Variants in SEMA3A observed in about 807,000 individuals in gnomAD.
SEMA3A encodes the protein semaphorin-3A.
In SEMA3A, 29 loss-of-function variants were observed where a neutral mutation model predicts 97.9. The ratio of observed to expected loss-of-function variants is 0.30; its 90% CI spans 0.22 to 0.40. The LOEUF (loss-of-function observed/expected upper bound fraction) is 0.40, where lower values mean the gene tolerates loss of function less well. SEMA3A is among the 10% of genes least tolerant of loss of function. The pLI is 1.00. For synonymous variants in SEMA3A, 321 were observed against 323.7 expected, an observed-to-expected ratio of 0.99 and a Z score of 0.09; for missense variants, 763 against 951.3, an observed-to-expected ratio of 0.80 and a Z score of 2.60.
At position 84,014,268 on chromosome 7, in the gene SEMA3A, C is replaced by G; in HGVS notation, c.751G>C (p.Ala251Pro). 1 of 1,613,314 alleles carries G rather than the reference C, an allele frequency of 6.2e-7. No individual in the cohort carries two copies. The highest frequency in any genetic ancestry group is 8.5e-7 in the Non-Finnish European group (1 of 1,179,566). The change falls in exon 7 of 17, where the codon GCA becomes CCA. Residue 251 changes from alanine (A) to proline (P), a missense_variant. This residue lies in a region of SEMA3A where 678 missense variants were observed against 881.3 expected (regional missense o/e 0.77). Transcript: ENST00000265362. ...TTTCCAGAGTGTTCTCCATCTATTG[C>G]ATTTTCACGGAAGAAAAAGTATACT... The part of the protein sequence containing the change: ...DKVYFFFREN[A>P]IDGEHSGKAT...
At chr7:84,388,779 A>T (rs1944322675) in intron 1 of SEMA3A, among the ~76,000 whole-genome samples, 2 of 152,154 alleles carry the variant, frequency 1.3e-5, no homozygotes, top group South Asian at 4.1e-4. Flanking sequence ...CAGTTTCTTA[A>T]AACAAGCCCC....
chr7:84,060,445 A>G lies in SEMA3A; in HGVS notation c.547+20T>C, dbSNP rs766663310. The G allele has an allele frequency of 2.7e-6, 4 of 1,477,604 alleles. No homozygotes were observed. Among genetic ancestry groups the G allele is most frequent in the Non-Finnish European group, 3.7e-6 (4 of 1,089,138 alleles). The allele number at this position is 1,477,604 out of a possible 1,614,324, so 91.5% of individuals were successfully genotyped here. On this transcript the variant is annotated intron_variant, in intron 5 of 16. Transcript: ENST00000265362. ...TTATTTATAGAAAACTCACTATTTA[A>G]TTGATTGTTGACTACGCACCTATTA...
At chr7:84,073,711 T>G (rs1793832142) in intron 4 of SEMA3A, among the ~76,000 whole-genome samples, 1 of 152,010 alleles carries the variant, frequency 6.6e-6, no homozygotes, top group Non-Finnish European at 1.5e-5. Context: ...AAGAATTAGG[T>G]CTTTTCATGC....
chr7:84,402,487 CA>C (rs966962465), intron 1 of SEMA3A, among the ~76,000 whole-genome samples: 51 of 152,244 alleles, frequency 3.3e-4, no homozygotes, highest in African/African-American at 1.2e-3. Context: ...ATGAATCCCC[CA>C]GCTGGGTATG....
chr7:84,449,214 CACA>C (rs1477810719), intron 1 of SEMA3A, among the ~76,000 whole-genome samples: 1 of 152,026 alleles, frequency 6.6e-6, no homozygotes, highest in Admixed American at 6.5e-5. Flanking sequence ...TCAAAAGTGT[CACA>C]ACATTTATTT....
At chr7:84,294,327 A>T (rs6972377) in intron 3 of SEMA3A, among the ~76,000 whole-genome samples, 11,830 of 152,038 alleles carry the variant, frequency 0.078, 642 homozygotes, top group East Asian at 0.29. Flanking sequence ...GAAGGAAGGA[A>T]AACTATCTCA....
chr7:84,195,741 A>G (rs1584112764), upstream of SEMA3A, among the ~76,000 whole-genome samples: 1 of 152,184 alleles, frequency 6.6e-6, no homozygotes, highest in Non-Finnish European at 1.5e-5. Flanking sequence ...TTTTCAATGC[A>G]TCACATCTCA....
At chr7:84,231,387 T>G (rs1562863418) in intron 3 of SEMA3A, among the ~76,000 whole-genome samples, 2 of 151,978 alleles carry the variant, frequency 1.3e-5, no homozygotes, top group East Asian at 3.9e-4. Flanking sequence ...AGGCCAGGAA[T>G]AAGAATCCAT....
At chr7:84,030,316 C>T (rs2116462164) in intron 6 of SEMA3A, among the ~76,000 whole-genome samples, 1 of 152,236 alleles carries the variant, frequency 6.6e-6, no homozygotes, top group East Asian at 1.9e-4. Flanking sequence ...ATTTCCTAAC[C>T]TACCTCATTT....
At chr7:84,254,365 G>A (rs973862728) in intron 3 of SEMA3A, among the ~76,000 whole-genome samples, 1 of 152,150 alleles carries the variant, frequency 6.6e-6, no homozygotes, top group African/African-American at 2.4e-5. Flanking sequence ...AAAAACTTGA[G>A]TTGGGTTGCT....
chr7:83,987,986 C>G (rs1584509357), intron 12 of SEMA3A, among the ~76,000 whole-genome samples: 1 of 152,290 alleles, frequency 6.6e-6, no homozygotes, highest in Non-Finnish European at 1.5e-5. Context: ...TGATAGGACA[C>G]TTTTCTGTAT....
At chr7:84,323,102 C>T (rs978322266) in intron 2 of SEMA3A, among the ~76,000 whole-genome samples, 3 of 152,170 alleles carry the variant, frequency 2.0e-5, no homozygotes, top group African/African-American at 7.2e-5. Flanking sequence ...TTTAAATGAA[C>T]ATGATCAAAT....
intron 4 of SEMA3A, among the ~76,000 whole-genome samples, chr7:84,105,618 C>A (rs960529415): frequency 6.6e-6 from 1 of 151,842 alleles, no homozygotes; most frequent in Non-Finnish European, 1.5e-5. Flanking sequence ...AGATTTCCTG[C>A]CAGTAAGTAG....
intron 4 of SEMA3A, among the ~76,000 whole-genome samples, chr7:84,061,155 A>C (rs1368609265): frequency 6.6e-6 from 1 of 152,172 alleles, no homozygotes; most frequent in Non-Finnish European, 1.5e-5. Context: ...CTTCTCTAAG[A>C]GGGAAATATC....
chr7:84,057,828 T>G (rs1262060358), intron 5 of SEMA3A, among the ~76,000 whole-genome samples: 2 of 151,952 alleles, frequency 1.3e-5, no homozygotes, highest in Non-Finnish European at 2.9e-5. Flanking sequence ...AATGATCACT[T>G]TTAAAGGAGA....
At chr7:84,283,186 TG>T in intron 3 of SEMA3A, among the ~76,000 whole-genome samples, 1 of 152,216 alleles carries the variant, frequency 6.6e-6, no homozygotes, top group African/African-American at 2.4e-5. Flanking sequence ...CCAGACTTAC[TG>T]GAACACTTAA....
intron 12 of SEMA3A, among the ~76,000 whole-genome samples, chr7:83,997,752 T>A (rs1436069162): frequency 6.6e-6 from 1 of 151,926 alleles, no homozygotes; most frequent in African/African-American, 2.4e-5. Flanking sequence ...TTCTTTTTTT[T>A]TTTTTTGAGA....
At chr7:84,449,084 G>A (rs1390412078) in intron 1 of SEMA3A, among the ~76,000 whole-genome samples, 1 of 152,094 alleles carries the variant, frequency 6.6e-6, no homozygotes, top group South Asian at 2.1e-4. Context: ...CAGGAAAACT[G>A]CATATGCAAA....
At chr7:84,142,191 T>C (rs1335710414) in intron 1 of SEMA3A, among the ~76,000 whole-genome samples, 6 of 152,216 alleles carry the variant, frequency 3.9e-5, no homozygotes, top group African/African-American at 1.4e-4. Flanking sequence ...TTGTTATCAC[T>C]TAACGGTCAT....
Sources: allele counts gnomAD v4.1 joint callset (sites outside exome capture counted in the v4.1 genomes callset), GRCh38; gene constraint gnomAD v4.1.1; regional missense constraint gnomAD v4.1.1; transcripts MANE v1.5; gene names NCBI Gene and HGNC (gene_info 2026-07-23, HGNC 2026-07-21).